FNDC3B: variants seen among roughly 807,000 people sequenced by gnomAD.
FNDC3B encodes the protein fibronectin type III domain-containing protein 3B.
Under a neutral mutation model 151.5 loss-of-function variants are expected in FNDC3B, and 12 were observed. The ratio of observed to expected loss-of-function variants is 0.08; its 90% CI spans 0.05 to 0.13. The LOEUF is 0.13. FNDC3B is among the 10% of genes least tolerant of loss of function. The pLI is 1.00. For missense variants in FNDC3B, 1,214 were observed against 1,505.3 expected (o/e 0.81, Z 3.20); for synonymous variants, 528 against 549.0 (o/e 0.96, Z 0.54).
chr3:172,193,328 C>CCCCTCTCCTT (rs1553771391), intron 3 of FNDC3B, among the ~76,000 whole-genome samples: 1 of 5,176 alleles, frequency 1.9e-4, no homozygotes, highest in Non-Finnish European at 4.3e-4. Context: ...CCCCTCCCCT[C>CCCCTCTCCTT]CCCTTCCCTT....
rs545198980 is a variant in FNDC3B at position 172,047,672 on chromosome 3, TACAA to T, written c.-29+7905_-29+7908del. ...ATTGACTCAATGCTATTATGTGAAC[TACAA>T]ACAGTTTACCAGCAATGGGTAGAAC... On this transcript the variant is annotated intron_variant, in intron 1 of 25. Transcript: ENST00000415807. Among the ~76,000 whole-genome samples, 9 of 152,328 alleles carry T rather than the reference TACAA, an allele frequency of 5.9e-5. 1 individual carries two copies. Among genetic ancestry groups the T allele is most frequent in the African/African-American group, 1.9e-4 (8 of 41,576 alleles).
intron 3 of FNDC3B, among the ~76,000 whole-genome samples, chr3:172,222,311 T>G (rs1726317720): frequency 6.6e-6 from 1 of 152,172 alleles, no homozygotes; most frequent in African/African-American, 2.4e-5. Context: ...ATTGATTAGT[T>G]TATAGCTGAT....
Position 172,214,815 on chromosome 3 carries a change from A to G in FNDC3B, c.188-12056A>G, listed in dbSNP as rs183164254. On this transcript the variant is annotated intron_variant, in intron 3 of 25. Transcript: ENST00000415807. The stretch of plus-strand genomic sequence containing the variant: ...GATGTTGTCAATAAAATGCCCTTAC[A>G]GTGTTGTCAAAGACTTTGCTTTATG... 8.5e-3 allele frequency among the ~76,000 whole-genome samples: 1,301 copies of G among 152,350 alleles called. 18 individuals carry two copies. The highest frequency in any genetic ancestry group is 0.03 in the African/African-American group (1,229 of 41,580).
chr3:172,182,358 T>A (rs1460966012), intron 3 of FNDC3B, among the ~76,000 whole-genome samples: 3 of 151,970 alleles, frequency 2.0e-5, no homozygotes, highest in African/African-American at 7.3e-5. Context: ...GAAGGTTGAG[T>A]CGTAAGTGGC....
At chr3:172,143,139 C>A (rs1367730405) in intron 3 of FNDC3B, among the ~76,000 whole-genome samples, 6 of 152,072 alleles carry the variant, frequency 3.9e-5, no homozygotes, top group Non-Finnish European at 8.8e-5. Context: ...GATAGTACTG[C>A]TGAAGATAAA....
At chr3:172,172,074 AC>A (rs1477288321) in intron 3 of FNDC3B, among the ~76,000 whole-genome samples, 1 of 152,212 alleles carries the variant, frequency 6.6e-6, no homozygotes, top group Non-Finnish European at 1.5e-5. Flanking sequence ...AATATTGTGT[AC>A]CTGCAAACAT....
chr3:172,264,252 C>T (rs1283072762), intron 6 of FNDC3B, among the ~76,000 whole-genome samples: 2 of 152,206 alleles, frequency 1.3e-5, no homozygotes, highest in Non-Finnish European at 2.9e-5. Context: ...CCGCCTCGGC[C>T]TACCAAAGGG....
At chr3:172,229,185 C>G (rs535540677) in intron 4 of FNDC3B, among the ~76,000 whole-genome samples, 1 of 151,986 alleles carries the variant, frequency 6.6e-6, no homozygotes, top group African/African-American at 2.4e-5. Flanking sequence ...CAGTACTAAT[C>G]TGTCCCTCTG....
intron 9 of FNDC3B, chr3:172,302,248 C>T (rs773958925): frequency 6.6e-6 from 1 of 152,274 alleles, no homozygotes; most frequent in Non-Finnish European, 1.5e-5. Flanking sequence ...ATCAGACACA[C>T]AAACCTTCTT....
intron 22 of FNDC3B, among the ~76,000 whole-genome samples, chr3:172,354,202 G>A (rs1467338386): frequency 6.6e-6 from 1 of 151,924 alleles, no homozygotes; most frequent in Non-Finnish European, 1.5e-5. Flanking sequence ...ATGTAGGACA[G>A]TTTTACATAC....
In FNDC3B at chr3:172,121,642, C is replaced by CT. The variant is rs533592591; in HGVS notation, c.111+9055dup. ...TTTTTACAGTTTCCAAGAATTGAGT[C>CT]TTTAAGTATTTATTGAAAGAGTTGT... On this transcript the variant is annotated intron_variant, in intron 2 of 25. Coordinates refer to ENST00000415807, the MANE Select transcript of FNDC3B (RefSeq NM_022763.4). Among the ~76,000 whole-genome samples the CT allele has an allele frequency of 7.9e-3, 1,204 of 152,262 alleles. 11 individuals carry two copies. Among genetic ancestry groups the CT allele is most frequent in the Non-Finnish European group, 0.014 (960 of 67,996 alleles).
chr3:172,133,031 T>G (rs1721181773), intron 2 of FNDC3B, among the ~76,000 whole-genome samples: 1 of 152,238 alleles, frequency 6.6e-6, no homozygotes, highest in African/African-American at 2.4e-5. Context: ...TATTTTTTGT[T>G]GTCACACAAT....
intron 6 of FNDC3B, among the ~76,000 whole-genome samples, chr3:172,269,288 T>G (rs1483007101): frequency 6.6e-6 from 1 of 152,166 alleles, no homozygotes; most frequent in Non-Finnish European, 1.5e-5. Flanking sequence ...TTTCCTAGGC[T>G]CTCTCTGTCA....
At chr3:172,332,976 C>T (rs1732755933) in intron 13 of FNDC3B, 113 bp from the exon 14 acceptor site, 1 of 772,726 alleles carries the variant, frequency 1.3e-6, no homozygotes, top group Non-Finnish European at 2.3e-6. Flanking sequence ...TGCCAGACCT[C>T]TGGCCAGTTG....
intron 1 of FNDC3B, among the ~76,000 whole-genome samples, chr3:172,044,269 T>A (rs556984541): frequency 1.3e-3 from 169 of 131,648 alleles, no homozygotes; most frequent in Non-Finnish European, 2.0e-3. Flanking sequence ...TATGGAATAG[T>A]GAAAATTCCA....
At chr3:172,270,575 G>A (rs1369235115) in intron 6 of FNDC3B, among the ~76,000 whole-genome samples, 2 of 152,200 alleles carry the variant, frequency 1.3e-5, no homozygotes, top group Non-Finnish European at 2.9e-5. Flanking sequence ...TTCAGGGTCA[G>A]AGAGACCTTC....
chr3:172,272,014 T>A (rs1336480092), intron 6 of FNDC3B, among the ~76,000 whole-genome samples: 1 of 152,192 alleles, frequency 6.6e-6, no homozygotes, highest in Non-Finnish European at 1.5e-5. Flanking sequence ...CTGATACTGT[T>A]ACTAGGGTCT....
chr3:172,235,017 C>A (rs1322369035), intron 4 of FNDC3B, among the ~76,000 whole-genome samples: 1 of 151,912 alleles, frequency 6.6e-6, no homozygotes. Flanking sequence ...ACCAAGGAAC[C>A]CACTGACAGA....
At chr3:172,099,659 G>A (rs1719281240) in intron 1 of FNDC3B, among the ~76,000 whole-genome samples, 1 of 152,156 alleles carries the variant, frequency 6.6e-6, no homozygotes, top group South Asian at 2.1e-4. Context: ...CCTCCAGCCT[G>A]CTTTTCTGCT....
Sources: gnomAD v4.1 joint callset for allele counts (sites outside exome capture counted in the v4.1 genomes callset) on GRCh38, gnomAD v4.1.1 for gene constraint, MANE v1.5 for transcripts, NCBI Gene and HGNC (gene_info 2026-07-23, HGNC 2026-07-21) for gene names.